BMPR1B: variants seen among roughly 807,000 people sequenced by gnomAD.
BMPR1B encodes the protein bone morphogenetic protein receptor type-1B.
In BMPR1B, 12 loss-of-function variants were observed where a neutral mutation model predicts 59.1. That is an observed-to-expected ratio of 0.20 (90% CI 0.13 to 0.33). The LOEUF (loss-of-function observed/expected upper bound fraction) is 0.33. Ranked by LOEUF, BMPR1B falls within the 10% of genes least tolerant of loss-of-function variation. The probability of loss-of-function intolerance (pLI) is 1.00; values close to 1 mark genes in which losing one functional copy is unlikely to be tolerated. For missense variants in BMPR1B, 550 were observed against 610.9 expected, an observed-to-expected ratio of 0.90 and a Z score of 1.05; for synonymous variants, 237 against 207.3, an observed-to-expected ratio of 1.14 and a Z score of -1.23.
At chr4:94,916,998 G>A (rs931827530) in intron 2 of BMPR1B, among the ~76,000 whole-genome samples, 6 of 152,256 alleles carry the variant, frequency 3.9e-5, no homozygotes, top group Non-Finnish European at 7.3e-5. Context: ...GTATAGCTTG[G>A]GCTGCCACTT....
intron 6 of BMPR1B, among the ~76,000 whole-genome samples, chr4:95,117,160 A>T (rs1732130413): frequency 6.6e-6 from 1 of 152,174 alleles, no homozygotes; most frequent in South Asian, 2.1e-4. Context: ...TGCTAAGTGG[A>T]TAAGGCAGGA....
intron 6 of BMPR1B, among the ~76,000 whole-genome samples, chr4:95,122,127 A>G (rs554566746): frequency 1.3e-3 from 204 of 152,268 alleles, no homozygotes; most frequent in Non-Finnish European, 2.6e-3. Flanking sequence ...GCTTGAGGCC[A>G]GGAGTTTGAG....
At chr4:94,805,469 G>T (rs530392865) in intron 1 of BMPR1B, among the ~76,000 whole-genome samples, 1 of 152,110 alleles carries the variant, frequency 6.6e-6, no homozygotes, top group South Asian at 2.1e-4. Flanking sequence ...CCTTTGTAAT[G>T]AAAATAAGAG....
chr4:94,979,311 G>T (rs1049739577), intron 2 of BMPR1B, among the ~76,000 whole-genome samples: 5 of 152,096 alleles, frequency 3.3e-5, no homozygotes, highest in African/African-American at 1.2e-4. Flanking sequence ...TAGACTGTAG[G>T]TATAGATGTT....
At chr4:94,951,699 C>T (rs748337013) in intron 2 of BMPR1B, among the ~76,000 whole-genome samples, 14 of 151,992 alleles carry the variant, frequency 9.2e-5, no homozygotes, top group South Asian at 2.1e-4. Context: ...TATTCATCAG[C>T]GATATTGGCC....
intron 6 of BMPR1B, among the ~76,000 whole-genome samples, chr4:95,116,421 G>GCGCGCGCACA: frequency 8.1e-5 from 10 of 123,248 alleles, no homozygotes; most frequent in African/African-American, 3.2e-4. Context: ...TTCAGCGCGC[G>GCGCGCGCACA]CACACACACA....
At position 95,055,904 on chromosome 4, in the gene BMPR1B, G is replaced by A. The variant is rs531516275; in HGVS notation, c.-17-48504G>A. On this transcript the variant is annotated intron_variant, in intron 3 of 12. Coordinates refer to ENST00000515059, the MANE Select transcript of BMPR1B (RefSeq NM_001203.3). ...ACTCAAATTAGTTTCTTTTTTCTCT[G>A]TAAGCCAACTGAATCTGAAATAACA... 2.2e-4 allele frequency among the ~76,000 whole-genome samples: 33 copies of A among 152,212 alleles called. No homozygotes were observed. In the Middle Eastern group the frequency reaches 0.01, roughly 47 times the overall value.
chr4:95,123,878 G>T lies in BMPR1B; in HGVS notation c.418G>T (p.Val140Phe). The T allele has an allele frequency of 6.2e-7, 1 of 1,611,586 alleles. No individual in the cohort carries two copies. The change falls in exon 7 of 13, where the codon GTC (valine) becomes TTC (phenylalanine). Residue 140 changes from valine (V) to phenylalanine (F), a missense_variant. Transcript: ENST00000515059. ...ISVTVCSLLL[V>F]LIILFCYFRY... ...TGTGACTGTCTGTAGTTTGCTCTTG[G>T]TCCTTATCATATTATTTTGTTACTT...
At chr4:94,988,180 CT>C (rs1560582191) in intron 2 of BMPR1B, among the ~76,000 whole-genome samples, 1 of 151,934 alleles carries the variant, frequency 6.6e-6, no homozygotes, top group Non-Finnish European at 1.5e-5. Context: ...TTAAATAACA[CT>C]TTTGATATTG....
intron 3 of BMPR1B, among the ~76,000 whole-genome samples, chr4:95,034,869 C>T (rs115135623): frequency 0.042 from 6,381 of 151,926 alleles, 184 homozygotes; most frequent in Non-Finnish European, 0.061. Context: ...TCTTCTATAG[C>T]GGTTGTACTA....
intron 2 of BMPR1B, among the ~76,000 whole-genome samples, chr4:94,966,706 C>T (rs1276065068): frequency 6.6e-6 from 1 of 152,094 alleles, no homozygotes; most frequent in Admixed American, 6.5e-5. Context: ...TGTAAATATT[C>T]TCAAGAGAGT....
chr4:94,970,236 T>TCTTCTCTTCTCTTCTCTTCTC (rs1174591733), intron 2 of BMPR1B, among the ~76,000 whole-genome samples: 1 of 140,570 alleles, frequency 7.1e-6, no homozygotes, highest in Admixed American at 7.1e-5. Context: ...CAGCTGTTTG[T>TCTTCTCTTCTCTTCTCTTCTC]TTTTCTTCTC....
At chr4:95,087,955 G>A (rs1197343238) in intron 3 of BMPR1B, among the ~76,000 whole-genome samples, 3 of 152,100 alleles carry the variant, frequency 2.0e-5, no homozygotes, top group Non-Finnish European at 4.4e-5. Flanking sequence ...CTTCAAAGTA[G>A]TGTGCAATAA....
chr4:95,115,851 T>G (rs989085723), intron 6 of BMPR1B, 64 bp downstream of exon 6: 14 of 1,425,660 alleles, frequency 9.8e-6, no homozygotes, highest in Non-Finnish European at 9.8e-7. Context: ...AACTAAAAAC[T>G]AGAATCGTTC....
intron 2 of BMPR1B, among the ~76,000 whole-genome samples, chr4:94,945,789 C>T (rs999081746): frequency 1.3e-5 from 2 of 152,102 alleles, no homozygotes; most frequent in African/African-American, 4.8e-5. Context: ...AAGCAAAAAT[C>T]AAGCATTTAG....
At chr4:94,850,919 C>G (rs916567928) in intron 1 of BMPR1B, among the ~76,000 whole-genome samples, 1 of 152,166 alleles carries the variant, frequency 6.6e-6, no homozygotes, top group African/African-American at 2.4e-5. Context: ...AATAAATAGA[C>G]TTACTTGTGT....
intron 2 of BMPR1B, among the ~76,000 whole-genome samples, chr4:94,892,897 CGA>C (rs1289712563): frequency 1.3e-5 from 2 of 151,972 alleles, no homozygotes; most frequent in African/African-American, 4.8e-5. Context: ...TGTGGGATAA[CGA>C]ACTTTGGAGT....
In BMPR1B at chr4:94,779,764, G is replaced by T. The variant is rs140502367; in HGVS notation, c.-183+21696G>T. 7.3e-3 allele frequency among the ~76,000 whole-genome samples: 1,110 copies of T among 152,118 alleles called. 7 individuals carry two copies. The highest frequency in any genetic ancestry group is 0.025 in the African/African-American group (1,049 of 41,488). On this transcript the variant is annotated intron_variant, in intron 1 of 12. Transcript: ENST00000515059. The stretch of plus-strand genomic sequence containing the variant: ...AGAGAATTGCTTGAATCTGGGAGGT[G>T]GAGGTTGCAGTGAGCCGAGATCGTG...
At chr4:94,872,799 A>G (rs1406748356) in intron 1 of BMPR1B, among the ~76,000 whole-genome samples, 1 of 152,230 alleles carries the variant, frequency 6.6e-6, no homozygotes, top group Non-Finnish European at 1.5e-5. Context: ...ATGTTTTGCA[A>G]TTACTTACAT....
Sources: allele counts gnomAD v4.1 joint callset (sites outside exome capture counted in the v4.1 genomes callset), GRCh38; gene constraint gnomAD v4.1.1; transcripts MANE v1.5; gene names NCBI Gene and HGNC (gene_info 2026-07-23, HGNC 2026-07-21).